ADGRG4: variants seen among roughly 807,000 people sequenced by gnomAD.
ADGRG4 encodes the protein adhesion G protein-coupled receptor G4, also known as G protein-coupled receptor 112.
Under a neutral mutation model 126.2 loss-of-function variants are expected in ADGRG4, and 122 were observed. That is an observed-to-expected ratio of 0.97 (90% confidence interval 0.83 to 1.12). ADGRG4 has a LOEUF of 1.12. Among genes scored for constraint, ADGRG4 ranks in the 50% most tolerant of loss-of-function variants. The pLI is 0.00. For missense variants in ADGRG4, 2,481 were observed against 2,251.8 expected (o/e 1.10, Z -2.06); for synonymous variants, 943 against 838.7 (o/e 1.12, Z -2.15).
chrX:136,379,692 T>C (rs1402575795), intron 15 of ADGRG4, among the ~76,000 whole-genome samples: 3 of 110,277 alleles, frequency 2.7e-5, no homozygotes, highest in Non-Finnish European at 1.9e-5. Context: ...CTCACCACCA[T>C]ATGTCTGCAG....
intron 5 of ADGRG4, among the ~76,000 whole-genome samples, chrX:136,325,070 G>C (rs1289867347): frequency 1.8e-5 from 2 of 112,171 alleles, no homozygotes; most frequent in African/African-American, 6.5e-5. Context: ...ACTATCAGCA[G>C]CAGCAGTCTT....
chrX:136,413,092 A>AT (rs749096262), intron 24 of ADGRG4, among the ~76,000 whole-genome samples: 26 of 106,656 alleles, frequency 2.4e-4, no homozygotes, highest in African/African-American at 6.6e-4. Flanking sequence ...TTATTTATTT[A>AT]TTTTTTTTAT....
At chrX:136,413,565 C>A (rs2075458622) in intron 24 of ADGRG4, among the ~76,000 whole-genome samples, 1 of 111,144 alleles carries the variant, frequency 9.0e-6, no homozygotes, top group African/African-American at 3.3e-5. Flanking sequence ...ATATCAGCAA[C>A]CTGCTGGTCC....
chrX:136,352,177 G>T (rs925617645), intron 7 of ADGRG4, among the ~76,000 whole-genome samples: 1 of 111,810 alleles, frequency 8.9e-6, no homozygotes, highest in African/African-American at 3.2e-5. Flanking sequence ...AATTGTAGTT[G>T]TACTAGTTAT....
At chrX:136,397,791 C>A in intron 19 of ADGRG4, 90 bp from the exon 20 acceptor site, 1 of 897,064 alleles carries the variant, frequency 1.1e-6, no homozygotes, top group Non-Finnish European at 1.6e-6. Context: ...GTTATACATC[C>A]TGGGAACTTC....
At chrX:136,375,664 G>T (rs1287074465) in intron 15 of ADGRG4, among the ~76,000 whole-genome samples, 1 of 111,800 alleles carries the variant, frequency 8.9e-6, no homozygotes, top group Non-Finnish European at 1.9e-5. Flanking sequence ...TCATATGTTT[G>T]TTGGGTGTTT....
chrX:136,318,669 G>A (rs927835664), intron 4 of ADGRG4, among the ~76,000 whole-genome samples: 2 of 110,956 alleles, frequency 1.8e-5, no homozygotes, highest in African/African-American at 6.6e-5. Flanking sequence ...GAGAAAAGCA[G>A]GGGACCCAAT....
At chrX:136,330,666 C>T (rs186745524) in intron 5 of ADGRG4, among the ~76,000 whole-genome samples, 75 of 110,835 alleles carry the variant, frequency 6.8e-4, no homozygotes, top group African/African-American at 2.3e-3. Flanking sequence ...ATGGAAGTTG[C>T]ATGTTTAGTT....
At position 136,349,309 on chromosome X, in the gene ADGRG4, C is replaced by T. The variant is rs41309534; in HGVS notation, c.5603C>T (p.Thr1868Ile). 456 of 1,207,104 alleles carry T rather than the reference C, an allele frequency of 3.8e-4. No homozygotes were observed. The highest frequency in any genetic ancestry group is 5.0e-4 in the Non-Finnish European group (443 of 892,981). Reference protein sequence around the residue: ...SQMVEFPVLGTRMTSSNTQPL... With the variant: ...SQMVEFPVLGIRMTSSNTQPL... ...ATGGTTGAATTTCCAGTTCTGGGAA[C>T]AAGAATGACATCTAGTAATACCCAA... The change falls in exon 6 of 26, where the codon ACA becomes ATA. Residue 1868 changes from threonine to isoleucine, a missense_variant. Thr to Ile is a moderately conservative substitution (Grantham distance 89). Transcript: ENST00000394143.
intron 4 of ADGRG4, among the ~76,000 whole-genome samples, chrX:136,317,790 T>C (rs1208193504): frequency 2.7e-5 from 3 of 111,701 alleles, no homozygotes; most frequent in Admixed American, 9.5e-5. Flanking sequence ...TTTAAAAAAA[T>C]GCTCAATGTC....
In ADGRG4 at chrX:136,301,414, A is replaced by G. The variant is rs186406567; in HGVS notation, c.-254+414A>G. Among the ~76,000 whole-genome samples the G allele has an allele frequency of 3.9e-3, 431 of 111,433 alleles. 4 individuals carry two copies. The highest frequency in any genetic ancestry group is 7.3e-3 in the Admixed American group (77 of 10,551). On this transcript the variant is annotated intron_variant, in intron 1 of 25. Transcript: ENST00000394143. Reference sequence around the variant, plus strand: ...TGAGAAGTGTCTGTTCATGTCCTTCACCCACTTTTTGATGGGGTTGTTTGT... The same window carrying G: ...TGAGAAGTGTCTGTTCATGTCCTTCGCCCACTTTTTGATGGGGTTGTTTGT...
intron 4 of ADGRG4, among the ~76,000 whole-genome samples, chrX:136,310,513 A>T (rs1359358336): frequency 9.0e-6 from 1 of 111,339 alleles, no homozygotes; most frequent in Non-Finnish European, 1.9e-5. Flanking sequence ...TTTCTTGGAA[A>T]AAAAAGACCC....
At chrX:136,337,907 T>C (rs963943550) in intron 5 of ADGRG4, among the ~76,000 whole-genome samples, 3 of 111,603 alleles carry the variant, frequency 2.7e-5, no homozygotes, top group Non-Finnish European at 3.8e-5. Flanking sequence ...AGCCCCACTG[T>C]CTTTCTCCTC....
intron 13 of ADGRG4, among the ~76,000 whole-genome samples, chrX:136,365,728 A>G (rs1482198235): frequency 8.9e-6 from 1 of 112,075 alleles, no homozygotes; most frequent in Non-Finnish European, 1.9e-5. Flanking sequence ...CCTTGTAAAC[A>G]CTTATTACTA....
chrX:136,326,007 G>A (rs934324058), intron 5 of ADGRG4, among the ~76,000 whole-genome samples: 1 of 112,145 alleles, frequency 8.9e-6, no homozygotes, highest in South Asian at 3.7e-4. Context: ...CAATGCACCC[G>A]GCCTCTTTCA....
In ADGRG4 at chrX:136,348,808, C is replaced by T; in HGVS notation, c.5102C>T (p.Ser1701Leu). ...AAGACCACATTTTCACCATTTCTAT[C>T]AGCAACTCAACAGTCATCACAAGCA... ...IPKTTFSPFL[S>L]ATQQSSQADE... is the part of the protein sequence containing the mutation. The change falls in exon 6 of 26, where the codon TCA becomes TTA. Residue 1701 changes from serine to leucine, a missense_variant. Ser to Leu is a moderately radical substitution (Grantham distance 145). Coordinates refer to ENST00000394143, the MANE Select transcript of ADGRG4 (RefSeq NM_153834.4). 8.3e-7 allele frequency: 1 copy of T among 1,209,253 alleles called. No homozygotes were observed. The highest frequency in any genetic ancestry group is 1.1e-6 in the Non-Finnish European group (1 of 894,489).
chrX:136,305,565 C>T (rs1430230195), intron 3 of ADGRG4, among the ~76,000 whole-genome samples: 1 of 112,198 alleles, frequency 8.9e-6, no homozygotes, highest in Admixed American at 9.5e-5. Context: ...AACATAAAGC[C>T]AGTTCAATAA....
At chrX:136,350,828 G>C (rs2075057935) in intron 6 of ADGRG4, among the ~76,000 whole-genome samples, 1 of 110,499 alleles carries the variant, frequency 9.0e-6, no homozygotes, top group South Asian at 3.8e-4. Context: ...GAAAACACCA[G>C]AAAAAAACAC....
rs1361975765 is a variant in ADGRG4 at position 136,363,463 on chromosome X, C to T, written c.7278-14C>T. 6 of 1,067,222 alleles carry T rather than the reference C, an allele frequency of 5.6e-6. No homozygotes were observed. Among genetic ancestry groups the T allele is most frequent in the Non-Finnish European group, 7.8e-6 (6 of 765,141 alleles). 88.0% of individuals were successfully genotyped at this position (1,067,222 alleles called of 1,213,427 possible). ...TCATCCTCTGATGAGAAAGCTCTTT[C>T]CTCTCTTTTTCAGTTCAATCAGCAT... On this transcript the variant is annotated splice_polypyrimidine_tract_variant and intron_variant, in intron 12 of 25. Transcript: ENST00000394143.
Sources: gnomAD v4.1 joint callset for allele counts (sites outside exome capture counted in the v4.1 genomes callset) on GRCh38, gnomAD v4.1.1 for gene constraint, MANE v1.5 for transcripts, NCBI Gene and HGNC (gene_info 2026-07-23, HGNC 2026-07-21) for gene names.